The following AFF1 variants were observed in gnomAD, a reference collection of about 807,000 sequenced individuals.
AFF1 encodes ALF transcription elongation factor 1, also known as AF4/FMR2 family member 1.
AFF1 carries 48 observed loss-of-function variants against 121.7 expected under a neutral mutation model. That is an observed-to-expected ratio of 0.39 (90% CI 0.31 to 0.50). The LOEUF is 0.50. Among genes scored for constraint, AFF1 ranks in the 20% least tolerant of loss-of-function variants. The pLI is 0.76. For synonymous variants in AFF1, 613 were observed against 563.0 expected (o/e 1.09, Z -1.26); for missense variants, 1,523 against 1,511.7 (o/e 1.01, Z -0.12).
chr4:86,988,523 T>G (rs367996853), intron 2 of AFF1, among the ~76,000 whole-genome samples: 2 of 152,134 alleles, frequency 1.3e-5, no homozygotes, highest in Non-Finnish European at 2.9e-5. Context: ...TAAAAACCAC[T>G]GCTCAAGGAA....
At chr4:87,116,496 T>G (rs1469063170) in intron 12 of AFF1, among the ~76,000 whole-genome samples, 1 of 152,144 alleles carries the variant, frequency 6.6e-6, no homozygotes, top group African/African-American at 2.4e-5. Flanking sequence ...TTTTTAACAC[T>G]CTTGTAAGTA....
chr4:86,985,892 A>G (rs1280150774), intron 2 of AFF1, among the ~76,000 whole-genome samples: 1 of 146,298 alleles, frequency 6.8e-6, no homozygotes, highest in African/African-American at 2.4e-5. Flanking sequence ...TGATAACATT[A>G]TCATTTTGCA....
At position 87,131,832 on chromosome 4, in the gene AFF1, G is replaced by A. The variant is rs200524062; in HGVS notation, c.3141G>A (p.Ala1047=). 15 of 1,590,584 alleles carry A rather than the reference G, an allele frequency of 9.4e-6. No individual in the cohort carries two copies. The highest frequency in any genetic ancestry group is 2.3e-5 in the East Asian group (1 of 44,074). The change falls in exon 18 of 21, where the codon GCG becomes GCA. Residue 1047 remains alanine, a synonymous_variant. Coordinates refer to ENST00000395146, the MANE Select transcript of AFF1 (RefSeq NM_001166693.3). The stretch of plus-strand genomic sequence containing the variant: ...TAAAATCCTTCTCAGATGCCACAGC[G>A]CCAACACAAGAGAAAATATTTGCTG... ...MSLKSFSDAT[A]PTQEKIFAVL...
chr4:87,086,832 TGA>T (rs1437785718), intron 5 of AFF1, among the ~76,000 whole-genome samples: 1 of 152,156 alleles, frequency 6.6e-6, no homozygotes, highest in Non-Finnish European at 1.5e-5. Flanking sequence ...TTCTGATGGG[TGA>T]TAGAGGCAGT....
chr4:87,062,471 T>G (rs1290651519), intron 4 of AFF1, among the ~76,000 whole-genome samples: 2 of 152,172 alleles, frequency 1.3e-5, no homozygotes, highest in African/African-American at 2.4e-5. Context: ...ATAGGAACTT[T>G]GGAGAGACAC....
intron 17 of AFF1, among the ~76,000 whole-genome samples, chr4:87,131,534 C>A (rs770208584): frequency 3.3e-5 from 5 of 152,214 alleles, no homozygotes; most frequent in Non-Finnish European, 5.9e-5. Context: ...TACTTACCTA[C>A]ATTTCAACAG....
intron 19 of AFF1, among the ~76,000 whole-genome samples, chr4:87,133,299 T>C (rs1446469563): frequency 6.6e-6 from 1 of 152,244 alleles, no homozygotes; most frequent in African/African-American, 2.4e-5. Context: ...TTCCCTGTAG[T>C]CCTTGCCTAG....
At chr4:87,056,880 A>G in intron 4 of AFF1, among the ~76,000 whole-genome samples, 1 of 152,236 alleles carries the variant, frequency 6.6e-6, no homozygotes, top group Non-Finnish European at 1.5e-5. Flanking sequence ...AACTCATTTC[A>G]TATTCACGAT....
intron 6 of AFF1, 118 bp downstream of exon 6, chr4:87,090,188 T>G: frequency 1.3e-6 from 1 of 771,492 alleles, no homozygotes; most frequent in Non-Finnish European, 2.0e-6. Flanking sequence ...GAGGTTAAAA[T>G]TATGATTAAT....
chr4:86,998,127 A>C (rs956650190), intron 2 of AFF1, among the ~76,000 whole-genome samples: 2 of 129,992 alleles, frequency 1.5e-5, no homozygotes, highest in Non-Finnish European at 3.3e-5. Flanking sequence ...AAAAAAAAAA[A>C]CAAGAAAACT....
intron 6 of AFF1, among the ~76,000 whole-genome samples, chr4:87,090,712 T>C (rs1303021586): frequency 6.6e-6 from 1 of 152,122 alleles, no homozygotes; most frequent in African/African-American, 2.4e-5. Flanking sequence ...TCCATGATAC[T>C]GTTGTGAAAA....
intron 2 of AFF1, among the ~76,000 whole-genome samples, chr4:86,974,808 C>T (rs6531941): frequency 0.76 from 115,334 of 152,144 alleles, 44,358 homozygotes; most frequent in South Asian, 0.83. Context: ...GTGACTAAAA[C>T]GGGCGTCGTA....
intron 20 of AFF1, 32 bp from the exon 21 acceptor site, chr4:87,135,548 C>CTT (rs1729228905): frequency 6.7e-7 from 1 of 1,491,344 alleles, no homozygotes; most frequent in Non-Finnish European, 8.9e-7. Flanking sequence ...TGTGTATTTA[C>CTT]TTGTTTTTGT....
Position 87,135,974 on chromosome 4 carries a change from G to A in AFF1, c.*273G>A, listed in dbSNP as rs1231907731. On this transcript the variant is annotated 3_prime_UTR_variant, in exon 21 of 21. Coordinates refer to ENST00000395146, the MANE Select transcript of AFF1 (RefSeq NM_001166693.3). The stretch of plus-strand genomic sequence containing the variant: ...GAAGTGCAATTTAGCTTAAATGGGT[G>A]TATGAATGGTCTAGAAACATTTCTA... The A allele has an allele frequency of 5.3e-6, 2 of 374,890 alleles. No individual in the cohort carries two copies. Among genetic ancestry groups the A allele is most frequent in the African/African-American group, 4.1e-5 (2 of 48,576 alleles). The allele number at this position is 374,890 out of a possible 1,614,324, so 23.2% of individuals were successfully genotyped here.
intron 2 of AFF1, chr4:87,007,239 G>T: frequency 6.8e-7 from 1 of 1,481,246 alleles, no homozygotes; most frequent in Non-Finnish European, 8.9e-7. Flanking sequence ...GCCCGGGGCT[G>T]CGCCGAGGAC....
chr4:87,140,157 C>G lies in AFF1; in HGVS notation c.*4456C>G. 1 of 202,778 alleles carries G rather than the reference C, an allele frequency of 4.9e-6. No homozygotes were observed. Among genetic ancestry groups the G allele is most frequent in the Non-Finnish European group, 1.0e-5 (1 of 98,560 alleles). The allele number at this position is 202,778 out of a possible 1,614,324, so 12.6% of individuals were successfully genotyped here. ...ATAAGACCACTCATAGTGAGGCTGG[C>G]CAAGCTGCACTGGTCGGACCAGGCA... On this transcript the variant is annotated 3_prime_UTR_variant, in exon 21 of 21. Coordinates refer to ENST00000395146, the MANE Select transcript of AFF1 (RefSeq NM_001166693.3).
At chr4:87,001,756 T>C (rs948141853) in intron 2 of AFF1, among the ~76,000 whole-genome samples, 6 of 152,204 alleles carry the variant, frequency 3.9e-5, no homozygotes, top group African/African-American at 1.4e-4. Flanking sequence ...TAATTTCCAG[T>C]GGTGCTCATT....
intron 2 of AFF1, 75 bp downstream of exon 2, chr4:86,948,646 G>A: frequency 7.0e-7 from 1 of 1,428,646 alleles, no homozygotes; most frequent in Non-Finnish European, 9.4e-7. Context: ...AATAAGTTTG[G>A]TCTTTTTCAA....
At chr4:86,965,348 T>C (rs1722464081) in intron 2 of AFF1, among the ~76,000 whole-genome samples, 1 of 152,218 alleles carries the variant, frequency 6.6e-6, no homozygotes, top group Non-Finnish European at 1.5e-5. Flanking sequence ...TTCGGCTAAT[T>C]TGTCAATGTT....
Sources: allele counts gnomAD v4.1 joint callset (sites outside exome capture counted in the v4.1 genomes callset), GRCh38; gene constraint gnomAD v4.1.1; transcripts MANE v1.5; gene names NCBI Gene and HGNC (gene_info 2026-07-23, HGNC 2026-07-21).